FGF14: variants seen among roughly 807,000 people sequenced by gnomAD.
FGF14 encodes fibroblast growth factor 14, also known as fibroblast growth factor homologous factor 4.
FGF14 carries 5 observed loss-of-function variants against 25.5 expected under a neutral mutation model. That is an observed-to-expected ratio of 0.20 (90% CI 0.10 to 0.41). The LOEUF (loss-of-function observed/expected upper bound fraction) is 0.41. Ranked by LOEUF, FGF14 falls within the 10% of genes least tolerant of loss-of-function variation. The probability of loss-of-function intolerance (pLI) is 1.00; values close to 1 mark genes in which losing one functional copy is unlikely to be tolerated. For missense variants in FGF14, 222 were observed against 320.1 expected, an observed-to-expected ratio of 0.69 and a Z score of 2.34; for synonymous variants, 138 against 118.3, an observed-to-expected ratio of 1.17 and a Z score of -1.08.
At chr13:102,113,229 C>G (rs10508084) in intron 1 of FGF14, among the ~76,000 whole-genome samples, 22,438 of 152,160 alleles carry the variant, frequency 0.15, 1,667 homozygotes, top group African/African-American at 0.18. Context: ...GTTAAAAGAT[C>G]AGAATCAGTT....
At chr13:101,790,832 T>C (rs2040193675) in intron 3 of FGF14, among the ~76,000 whole-genome samples, 1 of 152,132 alleles carries the variant, frequency 6.6e-6, no homozygotes, top group Admixed American at 6.6e-5. Flanking sequence ...GATGAAGAAG[T>C]AGAAAAGAGT....
At position 102,027,752 on chromosome 13, in the gene FGF14, G is replaced by A. The variant is rs1420637764; in HGVS notation, c.209-152456C>T. 6.6e-5 allele frequency among the ~76,000 whole-genome samples: 10 copies of A among 151,998 alleles called. No homozygotes were observed. In the South Asian group the frequency reaches 8.3e-4, roughly 13 times the overall value. ...TTTAGGACATTGTTGGAATCTGGAC[G>A]TGGGTGCATGTGTGTGTCTTCATGC... On this transcript the variant is annotated intron_variant, in intron 1 of 4. Coordinates refer to the FGF14 transcript ENST00000376131.
chr13:102,112,823 A>C (rs1460381918), intron 1 of FGF14, among the ~76,000 whole-genome samples: 1 of 152,210 alleles, frequency 6.6e-6, no homozygotes, highest in Non-Finnish European at 1.5e-5. Flanking sequence ...AACATTCCTT[A>C]CAGATGAGAA....
chr13:101,745,818 G>A (rs1304441043), intron 3 of FGF14, among the ~76,000 whole-genome samples: 2 of 151,936 alleles, frequency 1.3e-5, no homozygotes, highest in Non-Finnish European at 1.5e-5. Context: ...GTTTCATGGT[G>A]AGAACCTACA....
intron 1 of FGF14, among the ~76,000 whole-genome samples, chr13:102,274,311 G>A (rs2053400273): frequency 6.6e-6 from 1 of 152,200 alleles, no homozygotes; most frequent in African/African-American, 2.4e-5. Context: ...ACCTCTGAGT[G>A]TCGGAAAGAT....
chr13:102,178,637 G>A (rs563240836), intron 1 of FGF14, among the ~76,000 whole-genome samples: 52 of 152,052 alleles, frequency 3.4e-4, no homozygotes, highest in Middle Eastern at 3.4e-3. Flanking sequence ...AAGAACGTGT[G>A]GTATTTTACT....
chr13:101,729,118 C>T (rs1157364034), intron 3 of FGF14, among the ~76,000 whole-genome samples: 2 of 151,940 alleles, frequency 1.3e-5, no homozygotes, highest in African/African-American at 4.8e-5. Flanking sequence ...TTCCACAGCA[C>T]CTTTCTGTGA....
At chr13:102,267,544 C>G (rs928105975) in intron 1 of FGF14, among the ~76,000 whole-genome samples, 1 of 151,970 alleles carries the variant, frequency 6.6e-6, no homozygotes, top group African/African-American at 2.4e-5. Context: ...ATGTATCATA[C>G]ATGTAAAGGA....
At chr13:101,875,073 T>A in intron 2 of FGF14, 113 bp downstream of exon 2, 1 of 766,846 alleles carries the variant, frequency 1.3e-6, no homozygotes, top group Non-Finnish European at 2.3e-6. Context: ...GTGTAACATT[T>A]GTAAAGATGA....
At chr13:102,118,671 T>C (rs2045582137) in intron 1 of FGF14, among the ~76,000 whole-genome samples, 1 of 152,164 alleles carries the variant, frequency 6.6e-6, no homozygotes, top group African/African-American at 2.4e-5. Flanking sequence ...TTTCCTTCTT[T>C]TTATGATTGA....
At chr13:101,801,587 C>G (rs1379708260) in intron 3 of FGF14, among the ~76,000 whole-genome samples, 1 of 152,142 alleles carries the variant, frequency 6.6e-6, no homozygotes, top group Non-Finnish European at 1.5e-5. Flanking sequence ...TTTTCAGAAG[C>G]TAGTTCTGAC....
chr13:101,903,421 C>T (rs970976325), intron 1 of FGF14, among the ~76,000 whole-genome samples: 2 of 152,032 alleles, frequency 1.3e-5, no homozygotes, highest in Admixed American at 6.6e-5. Context: ...TGTACAGATT[C>T]GAACCCTAGA....
intron 1 of FGF14, among the ~76,000 whole-genome samples, chr13:102,179,380 GTC>G (rs2048576132): frequency 6.6e-6 from 1 of 152,084 alleles, no homozygotes; most frequent in African/African-American, 2.4e-5. Context: ...GTAAACTGGA[GTC>G]TCTCAGCTAC....
At chr13:101,737,392 C>T (rs958375156) in intron 3 of FGF14, among the ~76,000 whole-genome samples, 3 of 151,112 alleles carry the variant, frequency 2.0e-5, no homozygotes, top group African/African-American at 4.9e-5. Context: ...TAATTTACTC[C>T]AACAGAATTT....
chr13:101,917,531 T>C (rs1376940660), upstream of FGF14, among the ~76,000 whole-genome samples: 3 of 151,996 alleles, frequency 2.0e-5, no homozygotes, highest in African/African-American at 7.2e-5. Flanking sequence ...CTTCTCGGTC[T>C]TAACGTGGTT....
chr13:101,827,951 G>A (rs75100545), intron 3 of FGF14, among the ~76,000 whole-genome samples: 4,767 of 67,080 alleles, frequency 0.071, 267 homozygotes, highest in African/African-American at 0.18. Context: ...AAAGAAAAAA[G>A]TGTGGTATAC....
chr13:102,302,797 C>A (rs1016933927), intron 1 of FGF14, among the ~76,000 whole-genome samples: 2 of 152,154 alleles, frequency 1.3e-5, no homozygotes, highest in African/African-American at 2.4e-5. Flanking sequence ...TCCACCAAAA[C>A]CACCCTTGTC....
chr13:102,225,113 G>T (rs1285429894), intron 1 of FGF14, among the ~76,000 whole-genome samples: 1 of 152,006 alleles, frequency 6.6e-6, no homozygotes, highest in East Asian at 1.9e-4. Flanking sequence ...CCTCCTCCAC[G>T]AGAGCTCCTC....
intron 3 of FGF14, among the ~76,000 whole-genome samples, chr13:101,824,171 T>G (rs1025219539): frequency 6.6e-6 from 1 of 152,196 alleles, no homozygotes; most frequent in African/African-American, 2.4e-5. Context: ...AACACTTTAA[T>G]GATTACTTTC....
Sources: gnomAD v4.1 joint callset for allele counts (sites outside exome capture counted in the v4.1 genomes callset) on GRCh38, gnomAD v4.1.1 for gene constraint, MANE v1.5 for transcripts, NCBI Gene and HGNC (gene_info 2026-07-23, HGNC 2026-07-21) for gene names.